The following IGF2BP1 variants were observed in gnomAD, a reference collection of about 807,000 sequenced individuals.
The protein encoded by IGF2BP1 is insulin-like growth factor 2 mRNA-binding protein 1.
IGF2BP1 carries 11 observed loss-of-function variants against 74.9 expected under a neutral mutation model. That is an observed-to-expected ratio of 0.15 (90% confidence interval 0.09 to 0.24). The LOEUF (loss-of-function observed/expected upper bound fraction) is 0.24. Among genes scored for constraint, IGF2BP1 ranks in the 10% least tolerant of loss-of-function variants. The pLI, the probability that IGF2BP1 is intolerant of heterozygous loss-of-function variation, is 1.00. For missense variants in IGF2BP1, 440 were observed against 757.4 expected, an observed-to-expected ratio of 0.58 and a Z score of 4.92; for synonymous variants, 287 against 281.8, an observed-to-expected ratio of 1.02 and a Z score of -0.18.
chr17:49,011,808 C>T (rs1224571045), intron 2 of IGF2BP1, among the ~76,000 whole-genome samples: 2 of 151,682 alleles, frequency 1.3e-5, no homozygotes, highest in Non-Finnish European at 2.9e-5. Flanking sequence ...TTTCTCCTTG[C>T]TCTGAGCCTC....
intron 5 of IGF2BP1, among the ~76,000 whole-genome samples, chr17:49,033,223 A>G (rs1163027187): frequency 6.6e-6 from 1 of 152,190 alleles, no homozygotes; most frequent in Non-Finnish European, 1.5e-5. Context: ...ATCTTGGCTC[A>G]CTGCAACCTG....
At chr17:49,044,652 C>T (rs576911481) in intron 11 of IGF2BP1, among the ~76,000 whole-genome samples, 1 of 152,362 alleles carries the variant, frequency 6.6e-6, no homozygotes, top group East Asian at 1.9e-4. Context: ...AGTGGAGGTG[C>T]AGTCACTGCC....
At chr17:49,043,290 T>C (rs1393787713) in intron 9 of IGF2BP1, 138 bp from the exon 10 acceptor site, 8 of 967,192 alleles carry the variant, frequency 8.3e-6, no homozygotes, top group East Asian at 4.8e-5. Context: ...AAGCACAGAA[T>C]AGGCTTTTGT....
At chr17:49,026,267 A>C in intron 3 of IGF2BP1, 199 bp from the exon 4 acceptor site, 1 of 507,406 alleles carries the variant, frequency 2.0e-6, no homozygotes. Flanking sequence ...CCCTTAAGGC[A>C]GAACTTAAGT....
chr17:49,024,565 T>TA (rs1044147032), intron 2 of IGF2BP1, among the ~76,000 whole-genome samples: 1 of 152,178 alleles, frequency 6.6e-6, no homozygotes, highest in Non-Finnish European at 1.5e-5. Context: ...TTCAAGTACT[T>TA]ACATTTTCTA....
At chr17:49,042,433 C>CT in intron 9 of IGF2BP1, 56 bp downstream of exon 9, 2 of 1,602,696 alleles carry the variant, frequency 1.2e-6, no homozygotes, top group Non-Finnish European at 1.7e-6. Flanking sequence ...GCAACAGCAG[C>CT]TTGTGGGGTG....
intron 14 of IGF2BP1, among the ~76,000 whole-genome samples, chr17:49,046,846 TCTTCC>T (rs2042113490): frequency 6.6e-6 from 1 of 152,112 alleles, no homozygotes; most frequent in Non-Finnish European, 1.5e-5. Context: ...TGGTTTCTGC[TCTTCC>T]ACCCTCCCAT....
rs2042211165 is a variant in IGF2BP1 at position 49,055,136 on chromosome 17, T to TA, written c.*5696dup. 9.5e-6 allele frequency: 1 copy of TA among 105,664 alleles called. No individual in the cohort carries two copies. The highest frequency in any genetic ancestry group is 1.9e-5 in the Non-Finnish European group (1 of 53,758). 6.5% of individuals were successfully genotyped at this position (105,664 alleles called of 1,614,324 possible). Reference sequence around the variant, plus strand: ...TACCTTGAGAATACTTTCCAAAAAATAAAATTAAAAAAAAAAAAACCAAAA... The same window carrying TA: ...TACCTTGAGAATACTTTCCAAAAAATAAAAATTAAAAAAAAAAAAACCAAAA... On this transcript the variant is annotated 3_prime_UTR_variant, in exon 15 of 15. Coordinates refer to ENST00000290341, the MANE Select transcript of IGF2BP1 (RefSeq NM_006546.4).
rs1448134139 is a variant in IGF2BP1 at position 48,997,579 on chromosome 17, C to T, written c.-167C>T. 5.7e-6 allele frequency: 4 copies of T among 696,728 alleles called. No individual in the cohort carries two copies. The highest frequency in any genetic ancestry group is 9.4e-6 in the Non-Finnish European group (4 of 426,446). The allele number at this position is 696,728 out of a possible 1,614,324, so 43.2% of individuals were successfully genotyped here. A position where few individuals can be genotyped will look rare whatever the true frequency, so the allele number is the denominator to read the frequency against. On this transcript the variant is annotated 5_prime_UTR_variant, in exon 1 of 15. Transcript: ENST00000290341. This position sits in a 1 kb window ranked among gnomAD's most constrained non-coding sequence, Gnocchi z 4.8. ...CTCTCCCGCGACCTCTGCGCGCCCT[C>T]AGGCCGCCTTCCCCGCCCTGGGCTC... is the stretch of plus-strand genomic sequence containing the variant.
Position 49,050,302 on chromosome 17 carries a change from C to G in IGF2BP1, c.*858C>G, listed in dbSNP as rs973905416. 6.6e-6 allele frequency: 1 copy of G among 152,632 alleles called. No homozygotes were observed. The highest frequency in any genetic ancestry group is 2.4e-5 in the African/African-American group (1 of 41,446). The allele number at this position is 152,632 out of a possible 1,614,324, so 9.5% of individuals were successfully genotyped here. ...AATGCTCAGCAGGGTAGGGGCTGACCACTGTCCCTGATTCCCATCGTTCTC... is the reference window on the plus strand; with the variant it reads ...AATGCTCAGCAGGGTAGGGGCTGACGACTGTCCCTGATTCCCATCGTTCTC... On this transcript the variant is annotated 3_prime_UTR_variant, in exon 15 of 15. Coordinates refer to ENST00000290341, the MANE Select transcript of IGF2BP1 (RefSeq NM_006546.4).
intron 1 of IGF2BP1, 73 bp from the exon 2 acceptor site, chr17:48,999,036 C>T: frequency 1.1e-6 from 1 of 904,050 alleles, no homozygotes; most frequent in Non-Finnish European, 1.8e-6. Context: ...ATCCTAGTGT[C>T]TTTTCCCCTT....
rs192923558 is a variant in IGF2BP1 at position 49,044,664 on chromosome 17, T to C, written c.1321-327T>C. Among the ~76,000 whole-genome samples the C allele has an allele frequency of 4.5e-3, 683 of 152,380 alleles. 19 individuals carry two copies. The highest frequency in any genetic ancestry group is 0.031 in the East Asian group (160 of 5,184). ...TCCAGTGGAGGTGCAGTCACTGCCC[T>C]CTATCCGTTGGTCATTTCATTTGTG... On this transcript the variant is annotated intron_variant, in intron 11 of 14. Transcript: ENST00000290341.
At chr17:49,037,300 G>A (rs2042001519) in intron 5 of IGF2BP1, 5 of 477,250 alleles carry the variant, frequency 1.0e-5, no homozygotes, top group East Asian at 1.0e-4. Flanking sequence ...CTATTGAAAG[G>A]ACGTCTAACT....
rs903925615 is a variant in IGF2BP1 at position 48,997,711 on chromosome 17, T to C, written c.-35T>C. ...CCGCCCGCGCCCGCTCGTTCGGCCT[T>C]GCCCGGGACCGCGTCCTGCCCCGAG... On this transcript the variant is annotated 5_prime_UTR_variant, in exon 1 of 15. Coordinates refer to ENST00000290341, the MANE Select transcript of IGF2BP1 (RefSeq NM_006546.4). This position sits in a 1 kb window ranked among gnomAD's most constrained non-coding sequence, Gnocchi z 4.8. The C allele has an allele frequency of 6.2e-7, 1 of 1,601,426 alleles. No individual in the cohort carries two copies. The highest frequency in any genetic ancestry group is 2.3e-5 in the East Asian group (1 of 44,412).
chr17:49,012,431 C>CT (rs756288494), intron 2 of IGF2BP1: 8 of 152,216 alleles, frequency 5.3e-5, no homozygotes, highest in Non-Finnish European at 1.0e-4. Flanking sequence ...TCCTGGGACT[C>CT]TGTTTCCTTA....
chr17:49,038,079 T>G (rs191492478), intron 5 of IGF2BP1, 89 bp from the exon 6 acceptor site: 2 of 1,212,360 alleles, frequency 1.6e-6, no homozygotes, highest in African/African-American at 3.1e-5. Context: ...TGTTCCAAGC[T>G]GTAACTTACT....
intron 7 of IGF2BP1, 34 bp downstream of exon 7, chr17:49,040,125 C>G (rs373385641): frequency 1.2e-6 from 2 of 1,610,992 alleles, no homozygotes; most frequent in Admixed American, 1.7e-5. Context: ...TCTTCAGGGT[C>G]TGCTAGTCCA....
chr17:49,055,468 T>A lies in IGF2BP1; in HGVS notation c.*6024T>A. 14 of 353,094 alleles carry A rather than the reference T, an allele frequency of 4.0e-5. No homozygotes were observed. Among genetic ancestry groups the A allele is most frequent in the South Asian group, 1.5e-4 (1 of 6,574 alleles). The allele number at this position is 353,094 out of a possible 1,614,324, so 21.9% of individuals were successfully genotyped here. On this transcript the variant is annotated 3_prime_UTR_variant, in exon 15 of 15. Coordinates refer to ENST00000290341, the MANE Select transcript of IGF2BP1 (RefSeq NM_006546.4). ...CCCTGCCAATAAGCTCCCCCAGGAATAAAGGCTTTGTTTTGGGGATGCTTA... is the reference window on the plus strand; with the variant it reads ...CCCTGCCAATAAGCTCCCCCAGGAAAAAAGGCTTTGTTTTGGGGATGCTTA...
At chr17:48,998,984 T>A (rs2041447450) in intron 1 of IGF2BP1, 125 bp from the exon 2 acceptor site, 1 of 652,422 alleles carries the variant, frequency 1.5e-6, no homozygotes, top group Non-Finnish European at 2.8e-6. Context: ...AGCCACTGCC[T>A]GGATTCCTAG....
Sources: gnomAD v4.1 joint callset for allele counts (sites outside exome capture counted in the v4.1 genomes callset) on GRCh38, gnomAD v4.1.1 for gene constraint, Gnocchi (gnomAD v3.1) non-coding constraint, MANE v1.5 for transcripts, NCBI Gene and HGNC (gene_info 2026-07-23, HGNC 2026-07-21) for gene names.